ANKRD44: variants seen among roughly 807,000 people sequenced by gnomAD.
The protein encoded by ANKRD44 is ankyrin repeat domain 44, also known as serine/threonine-protein phosphatase 6 regulatory ankyrin repeat subunit B.
Under a neutral mutation model 116.0 loss-of-function variants are expected in ANKRD44, and 35 were observed. The observed-to-expected ratio is 0.30, with a 90% CI of 0.23 to 0.40. The LOEUF (loss-of-function observed/expected upper bound fraction) is 0.40. Ranked by LOEUF, ANKRD44 falls within the 10% of genes least tolerant of loss-of-function variation. The probability of loss-of-function intolerance (pLI) is 1.00; values close to 1 mark genes in which losing one functional copy is unlikely to be tolerated. For synonymous variants in ANKRD44, 435 were observed against 461.8 expected (o/e 0.94, Z 0.74); for missense variants, 1,014 against 1,242.6 (o/e 0.82, Z 2.77).
At chr2:197,169,617 G>C (rs2080178893) in intron 2 of ANKRD44, among the ~76,000 whole-genome samples, 1 of 152,152 alleles carries the variant, frequency 6.6e-6, no homozygotes, top group South Asian at 2.1e-4. Context: ...CGGACCAATG[G>C]TTCTCAAAGT....
At chr2:196,980,042 G>C (rs11902870) in intron 21 of ANKRD44, among the ~76,000 whole-genome samples, 4,764 of 152,174 alleles carry the variant, frequency 0.031, 235 homozygotes, top group African/African-American at 0.11. Context: ...AGGAACTATT[G>C]TTAGCACTCT....
At chr2:197,090,713 C>G (rs1298690819) in intron 10 of ANKRD44, among the ~76,000 whole-genome samples, 2 of 152,224 alleles carry the variant, frequency 1.3e-5, no homozygotes, top group African/African-American at 4.8e-5. Flanking sequence ...TCCTAAACTA[C>G]CCATGGCCCT....
intron 25 of ANKRD44, among the ~76,000 whole-genome samples, chr2:196,997,071 C>T (rs190910687): frequency 1.1e-4 from 16 of 152,118 alleles, no homozygotes; most frequent in African/African-American, 3.1e-4. Context: ...AAAAATGCTA[C>T]AAAATCCAAA....
intron 2 of ANKRD44, among the ~76,000 whole-genome samples, chr2:197,147,487 C>T (rs1188679480): frequency 1.3e-5 from 2 of 150,374 alleles, no homozygotes; most frequent in Non-Finnish European, 3.0e-5. Flanking sequence ...CTTTCAATGA[C>T]TTATTTTCTT....
intron 2 of ANKRD44, among the ~76,000 whole-genome samples, chr2:197,179,154 T>A (rs2080442921): frequency 6.6e-6 from 1 of 152,240 alleles, no homozygotes; most frequent in South Asian, 2.1e-4. Flanking sequence ...TCTGTTCTAC[T>A]ACTTTGTCTA....
At chr2:197,276,118 A>T (rs961429016) in intron 1 of ANKRD44, among the ~76,000 whole-genome samples, 16 of 151,966 alleles carry the variant, frequency 1.1e-4, no homozygotes, top group African/African-American at 3.9e-4. Flanking sequence ...TCTAGTAAAA[A>T]TAAAAAATTA....
chr2:197,288,135 C>A (rs1480853875), intron 1 of ANKRD44, among the ~76,000 whole-genome samples: 1 of 151,980 alleles, frequency 6.6e-6, no homozygotes, highest in Non-Finnish European at 1.5e-5. Flanking sequence ...GGATCTGGGT[C>A]TTTAGATATG....
chr2:197,126,662 C>T (rs1055345717), intron 4 of ANKRD44, among the ~76,000 whole-genome samples: 4 of 152,038 alleles, frequency 2.6e-5, no homozygotes, highest in African/African-American at 9.7e-5. Flanking sequence ...GACTTTCAAC[C>T]CTGGCTATGC....
chr2:197,310,536 CCG>C, intron 1 of ANKRD44, 40 bp downstream of exon 1: 1 of 1,069,064 alleles, frequency 9.4e-7, no homozygotes, highest in Non-Finnish European at 1.1e-6. Flanking sequence ...CCGCGCCGCC[CCG>C]CGCCCGCGCG....
chr2:197,063,471 G>A (rs1426941049), intron 16 of ANKRD44, among the ~76,000 whole-genome samples: 2 of 152,224 alleles, frequency 1.3e-5, no homozygotes, highest in East Asian at 1.9e-4. Flanking sequence ...TTGACGAGTT[G>A]AGAGAAGAAG....
At chr2:196,997,045 T>A (rs1259801782) in intron 25 of ANKRD44, among the ~76,000 whole-genome samples, 2 of 152,062 alleles carry the variant, frequency 1.3e-5, no homozygotes, top group African/African-American at 4.8e-5. Flanking sequence ...CATCCCAAAT[T>A]CGAAAATCTG....
chr2:196,969,995 C>T (rs6434896), intron 21 of ANKRD44, among the ~76,000 whole-genome samples: 87,911 of 152,036 alleles, frequency 0.58, 28,109 homozygotes, highest in East Asian at 0.82. Flanking sequence ...TTAAGATCCC[C>T]CTAATAGGGA....
At position 197,110,929 on chromosome 2, in the gene ANKRD44, A is replaced by C. The variant is rs891840755; in HGVS notation, c.907-85T>G. 2.1e-5 allele frequency: 19 copies of C among 886,710 alleles called. 1 individual carries two copies. Among genetic ancestry groups the C allele is most frequent in the African/African-American group, 3.3e-5 (2 of 60,512 alleles). 54.9% of individuals were successfully genotyped at this position (886,710 alleles called of 1,614,324 possible). On this transcript the variant is annotated intron_variant, in intron 8 of 27. Coordinates refer to ENST00000282272, the MANE Select transcript of ANKRD44 (RefSeq NM_001195144.2). The stretch of plus-strand genomic sequence containing the variant: ...CTGAAATACCCCTATGGACACTCCT[A>C]ATAATGCCCTGAAAACATTCATTTA...
chr2:197,128,037 A>T (rs1574507682), intron 4 of ANKRD44, among the ~76,000 whole-genome samples: 1 of 152,208 alleles, frequency 6.6e-6, no homozygotes, highest in East Asian at 1.9e-4. Flanking sequence ...CATGGTGTAT[A>T]GGTACCACAT....
chr2:197,147,726 C>A, intron 2 of ANKRD44: 1 of 265,628 alleles, frequency 3.8e-6, no homozygotes, highest in East Asian at 1.1e-4. Flanking sequence ...GGAAGGCTGA[C>A]AATAGTATAC....
rs946122183 is a variant in ANKRD44, at chr2:197,071,544, G to T, written c.1650+7159C>A. ...TTGATTTCTAGTTTTATCCCATTAT[G>T]GCTAGAAAACACGCTCTATATGATT... On this transcript the variant is annotated intron_variant, in intron 16 of 27. Coordinates refer to ENST00000282272, the MANE Select transcript of ANKRD44 (RefSeq NM_001195144.2). 1.3e-5 allele frequency among the ~76,000 whole-genome samples: 2 copies of T among 152,032 alleles called. 1 individual carries two copies. The highest frequency in any genetic ancestry group is 2.9e-5 in the Non-Finnish European group (2 of 67,976).
downstream of ANKRD44, among the ~76,000 whole-genome samples, chr2:196,984,988 T>C (rs1445877268): frequency 6.6e-6 from 1 of 152,230 alleles, no homozygotes; most frequent in East Asian, 1.9e-4. Context: ...GAAATATCAC[T>C]TCTGAAATTC....
intron 9 of ANKRD44, among the ~76,000 whole-genome samples, chr2:197,103,194 C>T (rs905524084): frequency 6.8e-6 from 1 of 146,836 alleles, no homozygotes; most frequent in African/African-American, 2.5e-5. Context: ...CGCCACTGCG[C>T]TCCAGCCTGG....
chr2:197,300,589 G>C (rs1217531454), intron 1 of ANKRD44, among the ~76,000 whole-genome samples: 1 of 152,038 alleles, frequency 6.6e-6, no homozygotes, highest in Non-Finnish European at 1.5e-5. Context: ...CATCTAACTA[G>C]ACTGTGAGCT....
Sources: gnomAD v4.1 joint callset for allele counts (sites outside exome capture counted in the v4.1 genomes callset) on GRCh38, gnomAD v4.1.1 for gene constraint, MANE v1.5 for transcripts, NCBI Gene and HGNC (gene_info 2026-07-23, HGNC 2026-07-21) for gene names.